ASXL2: variants seen among roughly 807,000 people sequenced by gnomAD.
The protein encoded by ASXL2 is ASXL transcriptional regulator 2.
A neutral mutation model predicts 122.0 loss-of-function variants in ASXL2; 23 were observed. That is an observed-to-expected ratio of 0.19 (90% CI 0.14 to 0.27). The LOEUF is 0.27. Among genes scored for constraint, ASXL2 ranks in the 10% least tolerant of loss-of-function variants. The pLI, the probability that ASXL2 is intolerant of heterozygous loss-of-function variation, is 1.00. For synonymous variants in ASXL2, 650 were observed against 637.0 expected (o/e 1.02, Z -0.31); for missense variants, 1,518 against 1,713.8 (o/e 0.89, Z 2.02).
chr2:25,799,049 G>A (rs928885356), intron 5 of ASXL2, among the ~76,000 whole-genome samples: 7 of 152,082 alleles, frequency 4.6e-5, no homozygotes, highest in African/African-American at 7.2e-5. Flanking sequence ...TGTGGCGGGG[G>A]AGGGGTACAT....
intron 12 of ASXL2, among the ~76,000 whole-genome samples, chr2:25,745,944 C>T (rs1262683099): frequency 6.6e-6 from 1 of 152,146 alleles, no homozygotes; most frequent in Non-Finnish European, 1.5e-5. Flanking sequence ...CCACGCCTGG[C>T]TGAAACCAAT....
rs779917907 is a variant in ASXL2 at position 25,878,138 on chromosome 2, G to A, written c.57+28C>T. On this transcript the variant is annotated intron_variant, in intron 1 of 12. Coordinates refer to ENST00000435504, the MANE Select transcript of ASXL2 (RefSeq NM_018263.6). ...GCGACAAGGGAACAAAATCCTCCCG[G>A]CCTTCCCCTTCGCTCCCTCCCCCTT... is the stretch of plus-strand genomic sequence containing the variant. 3.7e-5 allele frequency: 59 copies of A among 1,613,004 alleles called. No homozygotes were observed. The East Asian group carries it at 1.3e-3, about 36-fold the overall frequency.
chr2:25,841,480 C>T (rs1438329944), intron 2 of ASXL2, among the ~76,000 whole-genome samples: 1 of 152,050 alleles, frequency 6.6e-6, no homozygotes, highest in African/African-American at 2.4e-5. Context: ...GCTACCTTAA[C>T]GTAAGGTACA....
intron 3 of ASXL2, among the ~76,000 whole-genome samples, chr2:25,824,905 A>G (rs971591230): frequency 6.6e-6 from 1 of 152,242 alleles, no homozygotes; most frequent in Non-Finnish European, 1.5e-5. Context: ...GAAGTCCAGA[A>G]TAAAGGTCAT....
chr2:25,765,693 T>G (rs532464028), intron 8 of ASXL2, among the ~76,000 whole-genome samples: 1 of 152,210 alleles, frequency 6.6e-6, no homozygotes, highest in African/African-American at 2.4e-5. Flanking sequence ...TCCTGGTCCA[T>G]AATTTCTCAA....
In ASXL2 at chr2:25,772,287, T is replaced by TA. The variant is rs1004810754; in HGVS notation, c.404-748dup. Among the ~76,000 whole-genome samples, 10 of 151,632 alleles carry TA rather than the reference T, an allele frequency of 6.6e-5. No homozygotes were observed. In the East Asian group the frequency reaches 1.7e-3, roughly 26 times the overall value. ...GAAATTGCTGATTCAGTACCCTTATTAAAAAAAAATTATAATCACTACTGC... is the reference window on the plus strand; with the variant it reads ...GAAATTGCTGATTCAGTACCCTTATTAAAAAAAAAATTATAATCACTACTGC... On this transcript the variant is annotated intron_variant, in intron 5 of 12. Transcript: ENST00000435504.
At chr2:25,781,825 T>A (rs905051141) in intron 5 of ASXL2, among the ~76,000 whole-genome samples, 2 of 151,872 alleles carry the variant, frequency 1.3e-5, no homozygotes, top group African/African-American at 4.8e-5. Flanking sequence ...CGTGCCACCA[T>A]GCCCAGCTAT....
At chr2:25,785,481 T>C (rs1162708907) in intron 5 of ASXL2, among the ~76,000 whole-genome samples, 1 of 151,852 alleles carries the variant, frequency 6.6e-6, no homozygotes, top group Non-Finnish European at 1.5e-5. Flanking sequence ...CACCTCCATT[T>C]CCCAAAGTGC....
At chr2:25,795,994 C>A (rs1221200974) in intron 5 of ASXL2, among the ~76,000 whole-genome samples, 1 of 152,132 alleles carries the variant, frequency 6.6e-6, no homozygotes, top group Non-Finnish European at 1.5e-5. Context: ...TGCTTTCATT[C>A]CATTTATTCC....
chr2:25,748,133 G>T (rs2087972699), intron 12 of ASXL2, among the ~76,000 whole-genome samples: 3 of 152,024 alleles, frequency 2.0e-5, no homozygotes, highest in African/African-American at 7.2e-5. Context: ...AGCCAAGATT[G>T]CATCACTGCA....
chr2:25,836,934 C>T (rs529154415), intron 2 of ASXL2, among the ~76,000 whole-genome samples: 231 of 152,188 alleles, frequency 1.5e-3, no homozygotes, highest in African/African-American at 5.2e-3. Context: ...ACAAGAAAAA[C>T]TAGTCAGAGA....
chr2:25,842,249 T>TA (rs2089591583), intron 2 of ASXL2, among the ~76,000 whole-genome samples: 1 of 152,134 alleles, frequency 6.6e-6, no homozygotes, highest in South Asian at 2.1e-4. Flanking sequence ...CTAAAAGACT[T>TA]AACTGTCCAA....
Position 25,767,671 on chromosome 2 carries a change from G to A in ASXL2, c.687C>T (p.Asn229=). The change falls in exon 8 of 13, where the codon AAC becomes AAT. Residue 229 remains asparagine, a synonymous_variant. Transcript: ENST00000435504. ...CTTTAACTGAGGAAGAAAAGCTGGA[G>A]TTTGAGTTTTGAGGGCTGCCTGTCT... The part of the protein sequence containing the change: ...DGQTGSPQNS[N]SSFSSSVKVE... 6.2e-7 allele frequency: 1 copy of A among 1,613,922 alleles called. No individual in the cohort carries two copies. Among genetic ancestry groups the A allele is most frequent in the Non-Finnish European group, 8.5e-7 (1 of 1,179,840 alleles).
chr2:25,780,196 C>T (rs2088610206), intron 5 of ASXL2: 1 of 151,988 alleles, frequency 6.6e-6, no homozygotes, highest in Non-Finnish European at 1.5e-5. Context: ...GATCATATAC[C>T]ACCAACTGTC....
At chr2:25,829,742 G>C (rs1211397007) in intron 3 of ASXL2, among the ~76,000 whole-genome samples, 4 of 152,132 alleles carry the variant, frequency 2.6e-5, no homozygotes, top group South Asian at 4.1e-4. Flanking sequence ...GCAAGTTTAT[G>C]TTCCCTCAAG....
intron 4 of ASXL2, among the ~76,000 whole-genome samples, chr2:25,801,355 C>T (rs1234179673): frequency 1.3e-5 from 2 of 152,162 alleles, no homozygotes; most frequent in Admixed American, 1.3e-4. Context: ...AAAAATGTGA[C>T]CCTCCTACAT....
intron 1 of ASXL2, among the ~76,000 whole-genome samples, chr2:25,876,543 C>T (rs776134533): frequency 2.0e-5 from 3 of 151,990 alleles, no homozygotes; most frequent in Admixed American, 6.6e-5. Flanking sequence ...TTTTAAAGAC[C>T]CTAGGAACTT....
chr2:25,798,488 G>C (rs948982705), intron 5 of ASXL2, among the ~76,000 whole-genome samples: 10 of 152,176 alleles, frequency 6.6e-5, no homozygotes, highest in African/African-American at 2.4e-4. Context: ...GTCAGGCCAG[G>C]CACAGTAGCT....
At chr2:25,831,467 A>C (rs543883550) in intron 3 of ASXL2, among the ~76,000 whole-genome samples, 26 of 152,260 alleles carry the variant, frequency 1.7e-4, no homozygotes, top group African/African-American at 5.5e-4. Context: ...TGCGCTGGGC[A>C]ACATGATGAA....
Sources: allele counts gnomAD v4.1 joint callset (sites outside exome capture counted in the v4.1 genomes callset), GRCh38; gene constraint gnomAD v4.1.1; transcripts MANE v1.5; gene names NCBI Gene and HGNC (gene_info 2026-07-23, HGNC 2026-07-21).